Variants in MCM8 observed in about 807,000 individuals in gnomAD.
MCM8 encodes the protein minichromosome maintenance 8 homologous recombination repair factor, also known as DNA helicase MCM8.
Under a neutral mutation model 98.9 loss-of-function variants are expected in MCM8, and 85 were observed. The ratio of observed to expected loss-of-function variants is 0.86; its 90% confidence interval spans 0.72 to 1.03. MCM8 has a LOEUF of 1.03. Ranked by LOEUF, MCM8 falls within the 50% of genes least tolerant of loss-of-function variation. The probability of loss-of-function intolerance (pLI) is 0.00; values close to 1 mark genes in which losing one functional copy is unlikely to be tolerated. For missense variants in MCM8, 951 were observed against 997.8 expected, an observed-to-expected ratio of 0.95 and a Z score of 0.63; for synonymous variants, 352 against 338.6, an observed-to-expected ratio of 1.04 and a Z score of -0.44.
intron 7 of MCM8, among the ~76,000 whole-genome samples, chr20:5,960,070 C>A (rs2089102676): frequency 1.3e-5 from 2 of 152,022 alleles, no homozygotes; most frequent in Admixed American, 1.3e-4. Context: ...TAAGTAGTTA[C>A]CATTTCTCTG....
At position 5,958,615 on chromosome 20, in the gene MCM8, T is replaced by C; in HGVS notation, c.678T>C (p.Val226=). The change falls in exon 7 of 19, where the codon GTT becomes GTC. Residue 226 remains valine, a synonymous_variant. Coordinates refer to ENST00000610722, the MANE Select transcript of MCM8 (RefSeq NM_032485.6). ...GKYIALRGTV[V]RVSNIKPLCT... is the part of the protein sequence containing the mutation. ...ACATTGCTCTAAGAGGGACAGTGGT[T>C]CGTGTCAGTAATATAAAGCCTCTTT... is the stretch of plus-strand genomic sequence containing the variant. 1 of 1,614,148 alleles carries C rather than the reference T, an allele frequency of 6.2e-7. No individual in the cohort carries two copies. The highest frequency in any genetic ancestry group is 1.7e-5 in the Admixed American group (1 of 60,026).
intron 13 of MCM8, among the ~76,000 whole-genome samples, chr20:5,979,817 A>G (rs1447438946): frequency 6.6e-6 from 1 of 152,040 alleles, no homozygotes; most frequent in East Asian, 1.9e-4. Flanking sequence ...AGATTGTGTT[A>G]CTCTTGCTCA....
At chr20:5,970,238 C>T (rs1425294936) in intron 10 of MCM8, among the ~76,000 whole-genome samples, 1 of 152,172 alleles carries the variant, frequency 6.6e-6, no homozygotes, top group African/African-American at 2.4e-5. Context: ...TACTTTCTGG[C>T]CCTTTAAGAA....
chr20:5,974,888 T>A (rs561262168), intron 12 of MCM8, among the ~76,000 whole-genome samples: 1 of 152,318 alleles, frequency 6.6e-6, no homozygotes, highest in South Asian at 2.1e-4. Flanking sequence ...AAAAAATAAA[T>A]TCTGTTCTGA....
chr20:5,959,835 A>T (rs1205856075), intron 7 of MCM8, among the ~76,000 whole-genome samples: 1 of 151,532 alleles, frequency 6.6e-6, no homozygotes, highest in Non-Finnish European at 1.5e-5. Context: ...AGTAGCTGGG[A>T]CTACAGGCAC....
chr20:5,969,244 A>G (rs1029119725), intron 10 of MCM8, among the ~76,000 whole-genome samples: 15 of 152,180 alleles, frequency 9.9e-5, no homozygotes, highest in African/African-American at 3.4e-4. Context: ...TGAATAATAG[A>G]TATATCTAAG....
At chr20:5,978,157 T>C (rs1180832021) in intron 13 of MCM8, 140 bp downstream of exon 13, 8 of 895,964 alleles carry the variant, frequency 8.9e-6, no homozygotes, top group Middle Eastern at 3.5e-4. Flanking sequence ...CTGTCAGAAA[T>C]AATCATTGGA....
intron 5 of MCM8, among the ~76,000 whole-genome samples, chr20:5,955,592 G>A (rs1275143384): frequency 6.6e-6 from 1 of 152,086 alleles, no homozygotes; most frequent in Admixed American, 6.6e-5. Context: ...TGGTGTTATC[G>A]GTTATGAACT....
chr20:5,963,402 C>T, intron 8 of MCM8, 43 bp downstream of exon 8: 1 of 1,425,402 alleles, frequency 7.0e-7, no homozygotes, highest in Non-Finnish European at 9.9e-7. Flanking sequence ...CTTTAGATGT[C>T]ACACTGTTGA....
At chr20:5,962,352 CTTTTTT>C (rs926577182) in intron 7 of MCM8, among the ~76,000 whole-genome samples, 8 of 40,566 alleles carry the variant, frequency 2.0e-4, no homozygotes, top group Non-Finnish European at 2.5e-4. Flanking sequence ...GCCTTCATTT[CTTTTTT>C]TTTTTTTTTT....
chr20:5,976,413 G>A (rs536353809), intron 12 of MCM8, among the ~76,000 whole-genome samples: 1 of 152,236 alleles, frequency 6.6e-6, no homozygotes, highest in East Asian at 1.9e-4. Context: ...CCCAGAGACA[G>A]CTCACGCCCA....
intron 5 of MCM8, 89 bp from the exon 6 acceptor site, chr20:5,957,037 A>G (rs1177531452): frequency 1.5e-5 from 11 of 719,262 alleles, no homozygotes; most frequent in Non-Finnish European, 1.3e-5. Context: ...GTTTCTGTCC[A>G]TAAACTTTAT....
rs1464433246 is a variant in MCM8, at chr20:5,957,110, T to C, written c.487-16T>C. 6.3e-7 allele frequency: 1 copy of C among 1,577,352 alleles called. No homozygotes were observed. The highest frequency in any genetic ancestry group is 8.7e-7 in the Non-Finnish European group (1 of 1,149,524). On this transcript the variant is annotated splice_polypyrimidine_tract_variant and intron_variant, in intron 5 of 18. Transcript: ENST00000610722. The stretch of plus-strand genomic sequence containing the variant: ...TTTTGTTTTCCAACTTCAGAGTAAA[T>C]GTCTGTCCTGTTTAGGTGTTAACTA...
chr20:5,972,117 C>A, intron 11 of MCM8, 80 bp downstream of exon 11: 4 of 1,089,170 alleles, frequency 3.7e-6, no homozygotes, highest in South Asian at 1.5e-5. Flanking sequence ...CAGAAAGTAG[C>A]AAATTTCTAT....
Position 5,987,362 on chromosome 20 carries a change from A to T in MCM8, c.2240+4A>T. ...TAGTGGAAATTATGAAATATAGGTAAGATAAAAATTTCAAATTGTTTTAAA... is the reference window on the plus strand; with the variant it reads ...TAGTGGAAATTATGAAATATAGGTATGATAAAAATTTCAAATTGTTTTAAA... On this transcript the variant is annotated splice_donor_region_variant and intron_variant, in intron 17 of 18. Transcript: ENST00000610722. The T allele has an allele frequency of 1.2e-6, 2 of 1,604,494 alleles. No homozygotes were observed. Among genetic ancestry groups the T allele is most frequent in the Non-Finnish European group, 1.7e-6 (2 of 1,176,118 alleles).
Position 5,963,273 on chromosome 20 carries a change from G to C in MCM8, c.790-1G>C. 1.9e-6 allele frequency: 3 copies of C among 1,611,858 alleles called. No individual in the cohort carries two copies. Among genetic ancestry groups the C allele is most frequent in the Non-Finnish European group, 2.5e-6 (3 of 1,178,040 alleles). The stretch of plus-strand genomic sequence containing the variant: ...ATGTGAATTACTTTTGTTTCATTCA[G>C]TGTCCTGTGCCTGTGTGTCGAGGCA... On this transcript the variant is annotated splice_acceptor_variant, in intron 7 of 18. Coordinates refer to ENST00000610722, the MANE Select transcript of MCM8 (RefSeq NM_032485.6). LOFTEE classifies it high-confidence loss of function.
At chr20:5,986,275 T>A (rs970995478) in intron 16 of MCM8, 144 bp downstream of exon 16, 3 of 707,910 alleles carry the variant, frequency 4.2e-6, no homozygotes, top group Non-Finnish European at 7.0e-6. Flanking sequence ...GAAAGTTTTT[T>A]AAAAGATTTT....
intron 4 of MCM8, 126 bp downstream of exon 4, chr20:5,954,816 T>C: frequency 1.6e-6 from 1 of 620,722 alleles, no homozygotes; most frequent in African/African-American, 1.8e-5. Flanking sequence ...TTCTGCCACT[T>C]ACCTGCAGTA....
chr20:5,993,517 C>G lies in MCM8; in HGVS notation c.2252C>G (p.Thr751Ser). 6.4e-7 allele frequency: 1 copy of G among 1,567,236 alleles called. No individual in the cohort carries two copies. The highest frequency in any genetic ancestry group is 8.7e-7 in the Non-Finnish European group (1 of 1,151,672). ...VEIMKYSMLGTYSDEFGNLDF... is the reference protein window; with the variant it reads ...VEIMKYSMLGSYSDEFGNLDF... Reference sequence around the variant, plus strand: ...CCTTTCTTTTTAAGCATGCTAGGAACTTACTCTGATGAATTTGGGAACCTA... The same window carrying G: ...CCTTTCTTTTTAAGCATGCTAGGAAGTTACTCTGATGAATTTGGGAACCTA... The change falls in exon 18 of 19, where the codon ACT (threonine) becomes AGT (serine). Residue 751 changes from threonine (T) to serine (S), a missense_variant. By Grantham distance (58) the Thr-to-Ser change is moderately conservative (BLOSUM62 1). Transcript: ENST00000610722.
Sources: allele counts gnomAD v4.1 joint callset (sites outside exome capture counted in the v4.1 genomes callset), GRCh38; gene constraint gnomAD v4.1.1; transcripts MANE v1.5; gene names NCBI Gene and HGNC (gene_info 2026-07-23, HGNC 2026-07-21).